Variants in DCAKD observed in about 807,000 individuals in gnomAD.
DCAKD encodes the protein dephospho-CoA kinase domain containing.
In DCAKD, 15 loss-of-function variants were observed where a neutral mutation model predicts 18.7. The observed-to-expected ratio is 0.80, with a 90% confidence interval of 0.54 to 1.24. The LOEUF is 1.24. Among genes scored for constraint, DCAKD ranks in the 50% most tolerant of loss-of-function variants. The pLI is 0.00. For synonymous variants in DCAKD, 130 were observed against 133.0 expected (o/e 0.98, Z 0.16); for missense variants, 301 against 322.0 (o/e 0.93, Z 0.50).
intron 1 of DCAKD, among the ~76,000 whole-genome samples, chr17:45,060,474 G>A (rs767433841): frequency 1.9e-4 from 29 of 152,122 alleles, no homozygotes; most frequent in Non-Finnish European, 3.8e-4. Flanking sequence ...TTGAGCCATT[G>A]CGCTCCAGCC....
intron 1 of DCAKD, among the ~76,000 whole-genome samples, chr17:45,048,975 G>A (rs1222718597): frequency 6.7e-6 from 1 of 150,102 alleles, no homozygotes; most frequent in Admixed American, 6.6e-5. Flanking sequence ...CCAGCTACTG[G>A]GGAAGCTAAG....
chr17:45,057,424 T>G (rs1397361599), intron 1 of DCAKD, among the ~76,000 whole-genome samples: 1 of 149,420 alleles, frequency 6.7e-6, no homozygotes, highest in Non-Finnish European at 1.5e-5. Context: ...AGCTCTCGGC[T>G]GGGCGCAGTG....
At position 45,034,188 on chromosome 17, in the gene DCAKD, C is replaced by A; in HGVS notation, c.315G>T (p.Arg105=). The A allele has an allele frequency of 1.2e-6, 2 of 1,613,542 alleles. No homozygotes were observed. Among genetic ancestry groups the A allele is most frequent in the Admixed American group, 1.7e-5 (1 of 59,994 alleles). ...CCCGCCCCAGGCCCTGGCACTTACC[C>A]CGGAGGAAGTACTTGAACGTCTCCT... ...MMKETFKYFL[R]GYRYVILDIP... The change falls in exon 3 of 5, where the codon CGG becomes CGT. Residue 105 remains arginine, a splice_region_variant and synonymous_variant. Coordinates refer to ENST00000651974, the MANE Select transcript of DCAKD (RefSeq NM_001288655.2).
chr17:45,030,798 C>T (rs1012596390), intron 3 of DCAKD, among the ~76,000 whole-genome samples: 2 of 152,230 alleles, frequency 1.3e-5, no homozygotes, highest in Admixed American at 1.3e-4. Flanking sequence ...CCATCAGAGG[C>T]AGACCTACAG....
At chr17:45,031,695 C>G (rs147441106) in intron 3 of DCAKD, 18 of 985,270 alleles carry the variant, frequency 1.8e-5, no homozygotes, top group Non-Finnish European at 2.2e-5. Flanking sequence ...TCTCCGGCCC[C>G]TCTGGGGAGT....
At chr17:45,052,197 T>C (rs898770294), upstream of DCAKD, among the ~76,000 whole-genome samples, 2 of 152,098 alleles carry the variant, frequency 1.3e-5, no homozygotes, top group Admixed American at 6.5e-5. Context: ...TAAATTTTCC[T>C]TTCCCCGGAG....
chr17:45,059,323 T>C lies in DCAKD; in HGVS notation c.-118+1565A>G, dbSNP rs531625344. 2.0e-5 allele frequency among the ~76,000 whole-genome samples: 3 copies of C among 152,344 alleles called. No homozygotes were observed. The South Asian group carries it at 6.2e-4, about 32-fold the overall frequency. ...TTGTGTTTTCTTTCCCTGAGTCAGA[T>C]GGGAACTGTTTCTTCCCGCCCTGCC... On this transcript the variant is annotated intron_variant, in intron 1 of 4. Coordinates refer to the DCAKD transcript ENST00000310604.
upstream of DCAKD, chr17:45,054,126 G>A (rs1381107819): frequency 1.9e-6 from 1 of 518,838 alleles, no homozygotes; most frequent in African/African-American, 1.9e-5. Context: ...ATTCCATCTT[G>A]TGTCCAAAAG....
chr17:45,033,249 A>G (rs1184027776), intron 3 of DCAKD, among the ~76,000 whole-genome samples: 1 of 152,248 alleles, frequency 6.6e-6, no homozygotes, highest in African/African-American at 2.4e-5. Flanking sequence ...GCTTGGAAGA[A>G]GGTTCTTGCC....
chr17:45,024,558 G>A lies in DCAKD; in HGVS notation c.571C>T (p.Leu191Phe). Residue 191 changes from leucine (L) to phenylalanine (F), a missense_variant, in exon 5 of 5, where the codon CTC becomes TTC. By Grantham distance (22) the Leu-to-Phe change is conservative. Transcript: ENST00000651974. ...GAGCGCTCCAGCTCAGTGTGCAAGA[G>A]GATGACCTGGCGTTTGGTGACACTC... is the stretch of plus-strand genomic sequence containing the variant. ...EWSVTKRQVI[L>F]LHTELERSLE... 6 of 1,614,188 alleles carry A rather than the reference G, an allele frequency of 3.7e-6. No homozygotes were observed. Among genetic ancestry groups the A allele is most frequent in the Non-Finnish European group, 4.2e-6 (5 of 1,180,026 alleles).
chr17:45,046,787 C>A (rs1478045758), intron 1 of DCAKD, among the ~76,000 whole-genome samples: 1 of 152,064 alleles, frequency 6.6e-6, no homozygotes, highest in East Asian at 1.9e-4. Context: ...GGCTCTCCTA[C>A]CCAGCTCCTC....
intron 1 of DCAKD, among the ~76,000 whole-genome samples, chr17:45,050,070 TCA>T (rs1243969752): frequency 6.7e-6 from 1 of 148,994 alleles, no homozygotes; most frequent in East Asian, 2.0e-4. Context: ...AGAAGGAGTC[TCA>T]CTCTCTTGCC....
At chr17:45,041,889 TG>T (rs2053445496) in intron 1 of DCAKD, among the ~76,000 whole-genome samples, 1 of 150,882 alleles carries the variant, frequency 6.6e-6, no homozygotes, top group Admixed American at 6.6e-5. Flanking sequence ...GAGGCCAAGG[TG>T]GGAGGATCAC....
intron 3 of DCAKD, among the ~76,000 whole-genome samples, chr17:45,032,484 C>T (rs1468810062): frequency 1.3e-5 from 2 of 152,062 alleles, no homozygotes; most frequent in Non-Finnish European, 2.9e-5. Context: ...GCCATGGTCA[C>T]AGTGTAAAAG....
At chr17:45,033,589 C>T (rs1241371021) in intron 3 of DCAKD, among the ~76,000 whole-genome samples, 2 of 152,174 alleles carry the variant, frequency 1.3e-5, no homozygotes, top group African/African-American at 4.8e-5. Context: ...CTCAGCCTCC[C>T]GAGTAGCTGG....
At chr17:45,031,811 G>T in intron 3 of DCAKD, 1 of 985,430 alleles carries the variant, frequency 1.0e-6, no homozygotes, top group Non-Finnish European at 1.2e-6. Flanking sequence ...ACATCCGTCT[G>T]CCTACACAGA....
chr17:45,038,122 G>C (rs1175968998), intron 1 of DCAKD, among the ~76,000 whole-genome samples: 1 of 151,746 alleles, frequency 6.6e-6, no homozygotes, highest in Non-Finnish European at 1.5e-5. Context: ...TGTCCCCCAG[G>C]GTGGCGTGCA....
At chr17:45,031,761 C>A in intron 3 of DCAKD, 2 of 985,480 alleles carry the variant, frequency 2.0e-6, no homozygotes, top group Non-Finnish European at 2.4e-6. Flanking sequence ...CACATCCCTC[C>A]TGTCTGATAA....
chr17:45,051,855 G>A (rs866102221), upstream of DCAKD, among the ~76,000 whole-genome samples: 28 of 1,746 alleles, frequency 0.016, 12 homozygotes, highest in Admixed American at 0.037. Flanking sequence ...GGGCGGGCGG[G>A]CGGGCGGGGC....
Sources: allele counts gnomAD v4.1 joint callset (sites outside exome capture counted in the v4.1 genomes callset), GRCh38; gene constraint gnomAD v4.1.1; transcripts MANE v1.5; gene names NCBI Gene and HGNC (gene_info 2026-07-23, HGNC 2026-07-21).